The following OSBPL8 variants were observed in gnomAD, a reference collection of about 807,000 sequenced individuals.
OSBPL8 encodes the protein oxysterol-binding protein-related protein 8.
OSBPL8 carries 59 observed loss-of-function variants against 125.5 expected under a neutral mutation model. The ratio of observed to expected loss-of-function variants is 0.47; its 90% CI spans 0.38 to 0.58. The LOEUF is 0.58. OSBPL8 is among the 20% of genes least tolerant of loss of function. The pLI is 0.00. For synonymous variants in OSBPL8, 330 were observed against 338.9 expected, an observed-to-expected ratio of 0.97 and a Z score of 0.29; for missense variants, 758 against 1,047.8, an observed-to-expected ratio of 0.72 and a Z score of 3.82.
chr12:76,530,943 T>C (rs577686348), intron 1 of OSBPL8, among the ~76,000 whole-genome samples: 3 of 152,318 alleles, frequency 2.0e-5, no homozygotes, highest in Admixed American at 2.0e-4. Flanking sequence ...AACCCAACTA[T>C]AGACATAATA....
At chr12:76,552,864 C>T (rs1158578557) in intron 1 of OSBPL8, among the ~76,000 whole-genome samples, 1 of 152,142 alleles carries the variant, frequency 6.6e-6, no homozygotes, top group Non-Finnish European at 1.5e-5. Context: ...CAGAGCACTT[C>T]CATTACTACC....
Position 76,449,295 on chromosome 12 carries a change from C to T in OSBPL8, c.217+1556G>A, listed in dbSNP as rs145598444. On this transcript the variant is annotated intron_variant, in intron 4 of 23. Coordinates refer to ENST00000261183, the MANE Select transcript of OSBPL8 (RefSeq NM_020841.5). Reference sequence around the variant, plus strand: ...AGTAGTACCACAGGAGATTTCCGTACATTTGATTAAATAAACTTCAGCTGA... The same window carrying T: ...AGTAGTACCACAGGAGATTTCCGTATATTTGATTAAATAAACTTCAGCTGA... Among the ~76,000 whole-genome samples the T allele has an allele frequency of 5.0e-3, 762 of 152,316 alleles. 6 individuals carry two copies. The highest frequency in any genetic ancestry group is 9.2e-3 in the Non-Finnish European group (628 of 68,020).
At chr12:76,546,039 A>C (rs1950773531) in intron 1 of OSBPL8, among the ~76,000 whole-genome samples, 1 of 152,096 alleles carries the variant, frequency 6.6e-6, no homozygotes, top group Non-Finnish European at 1.5e-5. Context: ...TTAAAACCAC[A>C]CATGTCGAGG....
intron 16 of OSBPL8, among the ~76,000 whole-genome samples, chr12:76,376,074 A>C (rs1279124625): frequency 6.6e-6 from 1 of 152,232 alleles, no homozygotes; most frequent in African/African-American, 2.4e-5. Flanking sequence ...AAATGTTGGC[A>C]CAAGAGGCTC....
chr12:76,381,436 T>C (rs1334540444), intron 15 of OSBPL8, among the ~76,000 whole-genome samples: 1 of 152,178 alleles, frequency 6.6e-6, no homozygotes, highest in African/African-American at 2.4e-5. Context: ...TTACACCACT[T>C]CTTGGGTCAG....
intron 4 of OSBPL8, among the ~76,000 whole-genome samples, chr12:76,436,685 C>A (rs1305407603): frequency 1.3e-5 from 2 of 151,978 alleles, no homozygotes; most frequent in African/African-American, 2.4e-5. Context: ...TTTTTTTCAT[C>A]TAGTTACAGA....
At chr12:76,503,536 G>A (rs1880110070) in intron 1 of OSBPL8, among the ~76,000 whole-genome samples, 1 of 152,070 alleles carries the variant, frequency 6.6e-6, no homozygotes, top group African/African-American at 2.4e-5. Context: ...CTTATAACAA[G>A]TATGTTTTTT....
In OSBPL8 at chr12:76,351,912, T is replaced by C. The variant is rs1207595859; in HGVS notation, c.*3977A>G. 6.6e-6 allele frequency: 1 copy of C among 152,230 alleles called. No individual in the cohort carries two copies. Among genetic ancestry groups the C allele is most frequent in the African/African-American group, 2.4e-5 (1 of 41,454 alleles). 9.4% of individuals were successfully genotyped at this position (152,230 alleles called of 1,614,324 possible). On this transcript the variant is annotated 3_prime_UTR_variant, in exon 24 of 24. Transcript: ENST00000261183. ...AACAGTTATAATAGGTTAGGAATAA[T>C]AGATTAGAAATGTACTACATTACAA...
chr12:76,488,366 A>G (rs1878373950), intron 1 of OSBPL8, among the ~76,000 whole-genome samples: 1 of 152,200 alleles, frequency 6.6e-6, no homozygotes, highest in Non-Finnish European at 1.5e-5. Flanking sequence ...TTCCATTTTT[A>G]CCATGAATAT....
intron 2 of OSBPL8, among the ~76,000 whole-genome samples, chr12:76,479,313 T>TC (rs536373192): frequency 9.6e-4 from 146 of 152,228 alleles, no homozygotes; most frequent in African/African-American, 3.4e-3. Flanking sequence ...ATCCCATATA[T>TC]CCCATAAATA....
At chr12:76,421,578 A>G (rs1869490721) in intron 4 of OSBPL8, among the ~76,000 whole-genome samples, 1 of 152,130 alleles carries the variant, frequency 6.6e-6, no homozygotes, top group Non-Finnish European at 1.5e-5. Flanking sequence ...GCCAAGAATA[A>G]AGGTTATTGT....
chr12:76,543,056 A>C (rs1348245548), intron 1 of OSBPL8, among the ~76,000 whole-genome samples: 1 of 152,078 alleles, frequency 6.6e-6, no homozygotes, highest in Non-Finnish European at 1.5e-5. Context: ...TCTTCCTCTC[A>C]GCACTTCCCA....
intron 1 of OSBPL8, among the ~76,000 whole-genome samples, chr12:76,558,238 A>T (rs1348940969): frequency 1.3e-5 from 2 of 152,236 alleles, no homozygotes; most frequent in Non-Finnish European, 2.9e-5. Flanking sequence ...TAAAACTAGC[A>T]TGATCTTAAT....
intron 6 of OSBPL8, among the ~76,000 whole-genome samples, chr12:76,401,676 A>T (rs757610786): frequency 6.6e-6 from 1 of 152,152 alleles, no homozygotes; most frequent in Non-Finnish European, 1.5e-5. Flanking sequence ...ATATTCTCTT[A>T]CTGATAGAAA....
intron 1 of OSBPL8, among the ~76,000 whole-genome samples, 176 bp downstream of exon 1, chr12:76,559,221 T>C (rs1439547083): frequency 1.3e-5 from 2 of 152,150 alleles, no homozygotes. Flanking sequence ...CACTCCACCC[T>C]GCCAGCCTTT....
intron 2 of OSBPL8, among the ~76,000 whole-genome samples, chr12:76,476,342 A>G (rs1259955568): frequency 6.6e-6 from 1 of 152,204 alleles, no homozygotes; most frequent in African/African-American, 2.4e-5. Context: ...CAACAAACTG[A>G]ACAATCTTGG....
chr12:76,397,185 G>A (rs1242998416), intron 8 of OSBPL8, among the ~76,000 whole-genome samples: 1 of 93,682 alleles, frequency 1.1e-5, no homozygotes, highest in African/African-American at 4.0e-5. Flanking sequence ...TTTCTCAAGA[G>A]TAAGTAATTA....
intron 1 of OSBPL8, among the ~76,000 whole-genome samples, chr12:76,510,116 TA>T (rs1191471534): frequency 6.6e-6 from 1 of 152,210 alleles, no homozygotes; most frequent in Non-Finnish European, 1.5e-5. Flanking sequence ...AACAGCACAT[TA>T]AAGCCCAATA....
chr12:76,440,295 G>C (rs186394162), intron 4 of OSBPL8, among the ~76,000 whole-genome samples: 1 of 151,980 alleles, frequency 6.6e-6, no homozygotes, highest in Non-Finnish European at 1.5e-5. Flanking sequence ...GTTATCCCAC[G>C]TATTGATGAT....
Sources: allele counts gnomAD v4.1 joint callset (sites outside exome capture counted in the v4.1 genomes callset), GRCh38; gene constraint gnomAD v4.1.1; transcripts MANE v1.5; gene names NCBI Gene and HGNC (gene_info 2026-07-23, HGNC 2026-07-21).